Variants in ZSCAN25 observed in about 807,000 individuals in gnomAD.
The protein encoded by ZSCAN25 is zinc finger and SCAN domain-containing protein 25.
In ZSCAN25, 27 loss-of-function variants were observed where a neutral mutation model predicts 38.7. The observed-to-expected ratio is 0.70, with a 90% CI of 0.51 to 0.96. The LOEUF is 0.96. ZSCAN25 is among the 40% of genes least tolerant of loss of function. The pLI, the probability that ZSCAN25 is intolerant of heterozygous loss-of-function variation, is 0.00. For missense variants in ZSCAN25, 637 were observed against 705.9 expected, an observed-to-expected ratio of 0.90 and a Z score of 1.11; for synonymous variants, 273 against 277.7, an observed-to-expected ratio of 0.98 and a Z score of 0.17.
the ZSCAN25 span, among the ~76,000 whole-genome samples, chr7:99,657,293 T>C: frequency 2.6e-5 from 4 of 152,162 alleles, no homozygotes; most frequent in Non-Finnish European, 4.4e-5. Context: ...TCTTTGTTCT[T>C]GTTGGTTTCA....
Position 99,619,115 on chromosome 7 carries a change from CAT to C in ZSCAN25, c.-61_-60del, listed in dbSNP as rs1295551920. ...TGACTTTTTCTGTCTGCTGTACCAGCATATGAGTTTCAGGAGGGTAAGCTCCC... is the reference window on the plus strand; with the variant it reads ...TGACTTTTTCTGTCTGCTGTACCAGCATGAGTTTCAGGAGGGTAAGCTCCC... On this transcript the variant is annotated 5_prime_UTR_variant, in exon 3 of 8. In the 5' UTR this introduces an upstream ATG that the reference lacks. Coordinates refer to ENST00000394152, the MANE Select transcript of ZSCAN25 (RefSeq NM_145115.3). The C allele has an allele frequency of 6.5e-6, 1 of 153,282 alleles. No individual in the cohort carries two copies. The highest frequency in any genetic ancestry group is 1.5e-5 in the Non-Finnish European group (1 of 68,856). The allele number at this position is 153,282 out of a possible 1,614,324, so 9.5% of individuals were successfully genotyped here. A position where few individuals can be genotyped will look rare whatever the true frequency, so the allele number is the denominator to read the frequency against.
At chr7:99,674,850 C>A in the ZSCAN25 span, among the ~76,000 whole-genome samples, 7 of 152,286 alleles carry the variant, frequency 4.6e-5, no homozygotes, top group African/African-American at 7.2e-5. Flanking sequence ...AATTCCTTGT[C>A]TTTCTGATGT....
the ZSCAN25 span, among the ~76,000 whole-genome samples, chr7:99,711,658 C>T: frequency 6.6e-6 from 1 of 152,280 alleles, no homozygotes. Flanking sequence ...ATCCCAGCTA[C>T]TTGGGAGGCT....
chr7:99,660,244 T>TAATTA, the ZSCAN25 span: 1 of 912,462 alleles, frequency 1.1e-6, no homozygotes, highest in Non-Finnish European at 1.3e-6. Context: ...TTTTTTTTTT[T>TAATTA]TACTTAGCAT....
chr7:99,676,675 G>A, the ZSCAN25 span: 1 of 646,466 alleles, frequency 1.5e-6, no homozygotes, highest in South Asian at 1.4e-5. Flanking sequence ...GGGAGCCTAT[G>A]GTGACACTGC....
At chr7:99,667,131 T>C in the ZSCAN25 span, 3 of 1,435,078 alleles carry the variant, frequency 2.1e-6, no homozygotes, top group East Asian at 4.6e-5. Context: ...GCACAAAATA[T>C]ATTGAAGAGG....
the ZSCAN25 span, chr7:99,676,442 C>T: frequency 1.4e-6 from 2 of 1,464,434 alleles, no homozygotes; most frequent in Non-Finnish European, 1.8e-6. Context: ...TCTTCATAGT[C>T]CCAATCCTGG....
the ZSCAN25 span, chr7:99,722,405 C>T: frequency 6.3e-7 from 1 of 1,595,262 alleles, no homozygotes; most frequent in Non-Finnish European, 8.6e-7. Context: ...TTAACCCTGC[C>T]TCTAATTGGG....
chr7:99,662,683 A>T, the ZSCAN25 span: 2 of 822,028 alleles, frequency 2.4e-6, no homozygotes, highest in Non-Finnish European at 2.0e-6. The surrounding 1 kb of genome is among the most constrained non-coding windows in gnomAD (Gnocchi z 4.3). Flanking sequence ...ACCATTTATA[A>T]CATCTAAATG....
chr7:99,714,743 A>G, the ZSCAN25 span: 1 of 1,588,660 alleles, frequency 6.3e-7, no homozygotes, highest in Non-Finnish European at 8.5e-7. Flanking sequence ...ATTTACCTGG[A>G]GCAATTCTAA....
the ZSCAN25 span, chr7:99,663,261 G>GTA: frequency 9.8e-7 from 1 of 1,018,478 alleles, no homozygotes; most frequent in Non-Finnish European, 1.2e-6. Context: ...AGCAGTGTCC[G>GTA]TATAGATTAA....
At chr7:99,707,947 T>C in the ZSCAN25 span, 1 of 1,613,946 alleles carries the variant, frequency 6.2e-7, no homozygotes, top group Non-Finnish European at 8.5e-7. Context: ...TGTAAGGATC[T>C]ATGTTGTCCT....
chr7:99,720,202 A>C, the ZSCAN25 span: 2 of 1,381,026 alleles, frequency 1.4e-6, no homozygotes, highest in Non-Finnish European at 2.0e-6. Context: ...TGAAGTGTAC[A>C]TGGAACCTTC....
chr7:99,653,612 C>G, the ZSCAN25 span, among the ~76,000 whole-genome samples: 1 of 152,104 alleles, frequency 6.6e-6, no homozygotes, highest in Non-Finnish European at 1.5e-5. This position sits in a 1 kb window ranked among gnomAD's most constrained non-coding sequence, Gnocchi z 4.2. Flanking sequence ...ACACTCAGCC[C>G]CATCCCCTCC....
At chr7:99,652,309 G>A in the ZSCAN25 span, 39 of 306,366 alleles carry the variant, frequency 1.3e-4, no homozygotes, top group East Asian at 1.1e-4. Flanking sequence ...CTATATAGGC[G>A]TAGAAAAATG....
the ZSCAN25 span, among the ~76,000 whole-genome samples, chr7:99,704,760 G>A: frequency 6.6e-6 from 1 of 151,994 alleles, no homozygotes; most frequent in East Asian, 1.9e-4. Context: ...TCAGGAGATC[G>A]AGAGCATCCT....
At position 99,629,349 on chromosome 7, in the gene ZSCAN25, C is replaced by T. The variant is rs773927312; in HGVS notation, c.964C>T (p.Pro322Ser). The T allele has an allele frequency of 6.2e-7, 1 of 1,614,154 alleles. No individual in the cohort carries two copies. The highest frequency in any genetic ancestry group is 1.1e-5 in the South Asian group (1 of 91,084). Residue 322 changes from proline (P) to serine (S), a missense_variant, in exon 8 of 8, where the codon CCT becomes TCT. By Grantham distance (74) the Pro-to-Ser change is moderately conservative. Coordinates refer to ENST00000394152, the MANE Select transcript of ZSCAN25 (RefSeq NM_145115.3). This position sits in a 1 kb window ranked among gnomAD's most constrained non-coding sequence, Gnocchi z 5.6. ...GCCTGGTGGCCCTGCAGGCAGTGCG[C>T]CTGGGCTTCCTCCTCCCCAGCACGG... is the stretch of plus-strand genomic sequence containing the variant. The part of the protein sequence containing the change: ...QEPGGPAGSA[P>S]GLPPPQHGAI...
the ZSCAN25 span, among the ~76,000 whole-genome samples, chr7:99,697,412 TC>T: frequency 2.6e-5 from 4 of 152,174 alleles, no homozygotes; most frequent in Admixed American, 6.5e-5. Context: ...AATCTGCTAG[TC>T]CCACAAGGTT....
At chr7:99,668,216 A>G in the ZSCAN25 span, among the ~76,000 whole-genome samples, 3 of 152,254 alleles carry the variant, frequency 2.0e-5, no homozygotes, top group African/African-American at 7.2e-5. Context: ...TCTGGTGTAA[A>G]TCTAACAAAA....
Sources: allele counts gnomAD v4.1 joint callset (sites outside exome capture counted in the v4.1 genomes callset), GRCh38; gene constraint gnomAD v4.1.1; non-coding constraint Gnocchi (gnomAD v3.1); transcripts MANE v1.5; gene names NCBI Gene and HGNC (gene_info 2026-07-23, HGNC 2026-07-21).